UTP25: variants seen among roughly 807,000 people sequenced by gnomAD.
UTP25 encodes U3 small nucleolar RNA-associated protein 25 homolog.
UTP25 carries 50 observed loss-of-function variants against 78.9 expected under a neutral mutation model. The observed-to-expected ratio is 0.63, with a 90% CI of 0.50 to 0.80. UTP25 has a LOEUF of 0.80. UTP25 is among the 30% of genes least tolerant of loss of function. UTP25 has a pLI of 0.00. For missense variants in UTP25, 846 were observed against 911.3 expected (o/e 0.93, Z 0.92); for synonymous variants, 329 against 336.5 (o/e 0.98, Z 0.24).
chr1:209,838,615 G>GT (rs1469674801), intron 6 of UTP25, among the ~76,000 whole-genome samples: 1 of 152,154 alleles, frequency 6.6e-6, no homozygotes, highest in Non-Finnish European at 1.5e-5. Flanking sequence ...ACTGGTAGAC[G>GT]TATCTGTTAG....
intron 4 of UTP25, among the ~76,000 whole-genome samples, chr1:209,833,617 CAG>C (rs941880186): frequency 1.3e-4 from 20 of 152,032 alleles, no homozygotes; most frequent in Admixed American, 6.6e-5. Context: ...TTATTGGAGT[CAG>C]GGGAAGATTT....
At chr1:209,830,495 C>T (rs1290254807) in intron 2 of UTP25, among the ~76,000 whole-genome samples, 1 of 105,388 alleles carries the variant, frequency 9.5e-6, no homozygotes, top group Admixed American at 8.9e-5. Context: ...CATATTACAA[C>T]AAACTAAAAA....
chr1:209,840,656 A>G (rs535357935), intron 7 of UTP25, among the ~76,000 whole-genome samples, 197 bp from the exon 8 acceptor site: 49 of 152,244 alleles, frequency 3.2e-4, no homozygotes, highest in Non-Finnish European at 6.3e-4. Context: ...GGTAGAAGCT[A>G]GAAGGGACTA....
Position 209,851,411 on chromosome 1 carries a change from C to T in UTP25, c.2235C>T (p.Asn745=), listed in dbSNP as rs1327586435. 1.2e-6 allele frequency: 2 copies of T among 1,611,650 alleles called. No homozygotes were observed. The highest frequency in any genetic ancestry group is 1.7e-6 in the Non-Finnish European group (2 of 1,179,402). Reference sequence around the variant, plus strand: ...GGGCGGCACAGATGCTACAGTCCAACAAGAATGTCCACCTCTTCATTACTG... The same window carrying T: ...GGGCGGCACAGATGCTACAGTCCAATAAGAATGTCCACCTCTTCATTACTG... ...VERAAQMLQS[N]KNVHLFITGE... Residue 745 remains asparagine (N), a synonymous_variant, in exon 12 of 12, where the codon AAC becomes AAT. Transcript: ENST00000491415.
In UTP25 at chr1:209,830,795, C is replaced by G; in HGVS notation, c.148-8C>G. ...TTTTTGTTCTTAAAATTCTCCTTTT[C>G]CTTTTAGTCAGAGAGTTCAGATTCT... is the stretch of plus-strand genomic sequence containing the variant. On this transcript the variant is annotated splice_region_variant and splice_polypyrimidine_tract_variant and intron_variant, in intron 2 of 11. Transcript: ENST00000491415. 6.2e-7 allele frequency: 1 copy of G among 1,610,550 alleles called. No homozygotes were observed. Among genetic ancestry groups the G allele is most frequent in the Non-Finnish European group, 8.5e-7 (1 of 1,178,436 alleles).
chr1:209,835,077 C>A lies in UTP25; in HGVS notation c.565C>A (p.Pro189Thr). 6.2e-7 allele frequency: 1 copy of A among 1,612,522 alleles called. No homozygotes were observed. Among genetic ancestry groups the A allele is most frequent in the Non-Finnish European group, 8.5e-7 (1 of 1,178,946 alleles). ...GACATTTTTTATTTCTGAATTAGAT[C>A]CATTTCTTCAACATGTGAACAAAGA... is the stretch of plus-strand genomic sequence containing the variant. The part of the protein sequence containing the change: ...DNSSLKASQD[P>T]FLQHVNKELK... Residue 189 changes from proline to threonine, a missense_variant and splice_region_variant, in exon 5 of 12, where the codon CCA becomes ACA. Transcript: ENST00000491415.
chr1:209,829,659 A>G (rs1402026998), intron 1 of UTP25, among the ~76,000 whole-genome samples: 1 of 139,030 alleles, frequency 7.2e-6, no homozygotes. Context: ...AATTTTTCTT[A>G]TTTTTTTGTA....
chr1:209,843,152 G>C (rs1256183699), intron 10 of UTP25: 1 of 438,184 alleles, frequency 2.3e-6, no homozygotes, highest in African/African-American at 2.0e-5. Flanking sequence ...CTGTTGGACT[G>C]AGTGACTGAG....
chr1:209,838,566 T>C (rs1401378847), intron 6 of UTP25, among the ~76,000 whole-genome samples: 1 of 152,236 alleles, frequency 6.6e-6, no homozygotes, highest in East Asian at 1.9e-4. Flanking sequence ...CAGAAATCTT[T>C]CCCTCAAAGA....
chr1:209,848,781 C>T (rs556456953), intron 11 of UTP25, among the ~76,000 whole-genome samples: 2 of 152,292 alleles, frequency 1.3e-5, no homozygotes, highest in East Asian at 1.9e-4. Flanking sequence ...GTTTGGATGT[C>T]TTTTCTTGCT....
At chr1:209,848,429 G>C (rs2078210349) in intron 11 of UTP25, among the ~76,000 whole-genome samples, 1 of 152,032 alleles carries the variant, frequency 6.6e-6, no homozygotes, top group African/African-American at 2.4e-5. Flanking sequence ...TATTACATTG[G>C]TTAATTAAGC....
At chr1:209,847,551 A>G (rs909493599) in intron 11 of UTP25, among the ~76,000 whole-genome samples, 6 of 152,246 alleles carry the variant, frequency 3.9e-5, no homozygotes, top group African/African-American at 1.2e-4. Flanking sequence ...TACTACAGTA[A>G]TATCATCTGA....
chr1:209,842,566 T>C lies in UTP25; in HGVS notation c.1669-17T>C. The C allele has an allele frequency of 6.2e-7, 1 of 1,613,464 alleles. No individual in the cohort carries two copies. The highest frequency in any genetic ancestry group is 8.5e-7 in the Non-Finnish European group (1 of 1,179,456). On this transcript the variant is annotated splice_polypyrimidine_tract_variant and intron_variant, in intron 9 of 11. Transcript: ENST00000491415. Reference sequence around the variant, plus strand: ...GGGGATGGCTGTCCACCTAACGCTCTTGTTGACTACTGGCAGGTGGCCGTG... The same window carrying C: ...GGGGATGGCTGTCCACCTAACGCTCCTGTTGACTACTGGCAGGTGGCCGTG...
intron 4 of UTP25, among the ~76,000 whole-genome samples, chr1:209,833,568 A>G (rs2078115512): frequency 6.6e-6 from 1 of 152,186 alleles, no homozygotes; most frequent in South Asian, 2.1e-4. Context: ...AACAAGAATG[A>G]TGGTAGGGAA....
At chr1:209,843,851 A>G in intron 11 of UTP25, 155 bp downstream of exon 11, 3 of 1,036,196 alleles carry the variant, frequency 2.9e-6, no homozygotes, top group African/African-American at 1.6e-5. Flanking sequence ...GTTTGGACAG[A>G]CTCTTCTTGG....
chr1:209,837,118 C>G lies in UTP25; in HGVS notation c.969C>G (p.Ala323=). 1 of 1,614,070 alleles carries G rather than the reference C, an allele frequency of 6.2e-7. No individual in the cohort carries two copies. Among genetic ancestry groups the G allele is most frequent in the South Asian group, 1.1e-5 (1 of 91,080 alleles). Residue 323 remains alanine, a synonymous_variant, in exon 6 of 12, where the codon GCC becomes GCG. Transcript: ENST00000491415. Reference sequence around the variant, plus strand: ...TAAATCACATCCTCAAAGCCAATGCCCAGGTGCTTGGCAACAATAGCAGAC... The same window carrying G: ...TAAATCACATCCTCAAAGCCAATGCGCAGGTGCTTGGCAACAATAGCAGAC... ...HVINHILKAN[A]QVLGNNSRRR...
At chr1:209,846,055 A>G (rs2078195480) in intron 11 of UTP25, among the ~76,000 whole-genome samples, 1 of 151,960 alleles carries the variant, frequency 6.6e-6, no homozygotes, top group Admixed American at 6.6e-5. Context: ...AGGTTTTGCC[A>G]TGTTGGCCAG....
At chr1:209,848,089 A>C (rs1437232544) in intron 11 of UTP25, among the ~76,000 whole-genome samples, 3 of 152,212 alleles carry the variant, frequency 2.0e-5, no homozygotes, top group Non-Finnish European at 2.9e-5. Flanking sequence ...TTAAAAATCC[A>C]AATGCCCAGG....
intron 3 of UTP25, among the ~76,000 whole-genome samples, 193 bp from the exon 4 acceptor site, chr1:209,832,992 T>C (rs1558051756): frequency 6.6e-6 from 1 of 152,208 alleles, no homozygotes; most frequent in Non-Finnish European, 1.5e-5. Context: ...AATTGAGACA[T>C]AAAACCCACC....
Sources: gnomAD v4.1 joint callset for allele counts (sites outside exome capture counted in the v4.1 genomes callset) on GRCh38, gnomAD v4.1.1 for gene constraint, MANE v1.5 for transcripts, NCBI Gene and HGNC (gene_info 2026-07-23, HGNC 2026-07-21) for gene names.